Variants in QRSL1 observed in about 807,000 individuals in gnomAD.
The protein encoded by QRSL1 is glutaminyl-tRNA amidotransferase subunit QRSL1.
QRSL1 carries 54 observed loss-of-function variants against 61.6 expected under a neutral mutation model. The ratio of observed to expected loss-of-function variants is 0.88; its 90% CI spans 0.70 to 1.10. QRSL1 has a LOEUF of 1.10. Ranked by LOEUF, QRSL1 falls within the 50% of genes least tolerant of loss-of-function variation. QRSL1 has a pLI of 0.00. For missense variants in QRSL1, 505 were observed against 622.6 expected (o/e 0.81, Z 2.01); for synonymous variants, 228 against 225.7 (o/e 1.01, Z -0.09).
intron 1 of QRSL1, chr6:106,640,041 T>G (rs1776992559): frequency 4.6e-6 from 1 of 216,740 alleles, no homozygotes; most frequent in Admixed American, 5.3e-5. Flanking sequence ...TCACCCATGC[T>G]GGGCCTCAAC....
chr6:106,647,613 A>C (rs1250854446), intron 4 of QRSL1, among the ~76,000 whole-genome samples: 2 of 143,720 alleles, frequency 1.4e-5, no homozygotes, highest in Non-Finnish European at 3.0e-5. Context: ...CTGACTCTAG[A>C]TTTGATCCAG....
intron 9 of QRSL1, among the ~76,000 whole-genome samples, chr6:106,661,274 C>T (rs947038506): frequency 3.3e-5 from 5 of 151,926 alleles, no homozygotes; most frequent in Non-Finnish European, 5.9e-5. Flanking sequence ...CCACCATGCC[C>T]GGCTAAATTT....
At position 106,629,702 on chromosome 6, in the gene QRSL1, A is replaced by G. The variant is rs142692484; in HGVS notation, c.21A>G (p.Arg7=). 1 of 1,606,444 alleles carries G rather than the reference A, an allele frequency of 6.2e-7. No homozygotes were observed. Among genetic ancestry groups the G allele is most frequent in the Non-Finnish European group, 8.5e-7 (1 of 1,177,092 alleles). ...GGACCATGCTGGGCCGGAGCCTCCG[A>G]GAAGTGAGTGGAATTGGCCCGCTGA... The part of the protein sequence containing the change: MLGRSL[R]EVSAALKQGQ... The change falls in exon 1 of 11, where the codon CGA becomes CGG. Residue 7 remains arginine, a synonymous_variant. Coordinates refer to ENST00000369046, the MANE Select transcript of QRSL1 (RefSeq NM_018292.5).
rs67485757 is a variant in QRSL1, at chr6:106,661,120, GTTTTT to G, written c.1161-1855_1161-1851del. On this transcript the variant is annotated intron_variant, in intron 9 of 10. Coordinates refer to ENST00000369046, the MANE Select transcript of QRSL1 (RefSeq NM_018292.5). ...ACAAGTATTTGTTTTGTTTTGTTTT[GTTTTT>G]TTTTGAGACGGAGTCTTGCTCTGTC... 2.0e-3 allele frequency among the ~76,000 whole-genome samples: 300 copies of G among 151,232 alleles called. 1 individual carries two copies. The highest frequency in any genetic ancestry group is 6.6e-3 in the African/African-American group (271 of 41,208).
Position 106,655,630 on chromosome 6 carries a change from T to C in QRSL1, c.1058T>C (p.Ile353Thr), listed in dbSNP as rs754249822. The C allele has an allele frequency of 1.4e-5, 23 of 1,609,508 alleles. No homozygotes were observed. Among genetic ancestry groups the C allele is most frequent in the Middle Eastern group, 1.8e-4 (1 of 5,584 alleles). Reference sequence around the variant, plus strand: ...TTGTTTTCAGGTCACAGATGTGACATTGATGTGTCCACTGAAGCCATGTAT... The same window carrying C: ...TTGTTTTCAGGTCACAGATGTGACACTGATGTGTCCACTGAAGCCATGTAT... ...DGLQYGHRCD[I>T]DVSTEAMYAA... The change falls in exon 9 of 11, where the codon ATT becomes ACT. Residue 353 changes from isoleucine to threonine, a missense_variant. Coordinates refer to ENST00000369046, the MANE Select transcript of QRSL1 (RefSeq NM_018292.5).
intron 3 of QRSL1, chr6:106,642,355 C>T (rs9400037): frequency 0.46 from 163,273 of 354,722 alleles, 39,498 homozygotes; most frequent in Non-Finnish European, 0.53. Context: ...CCCGCCCCGC[C>T]GACTCTTGTT....
At chr6:106,640,298 T>C in intron 1 of QRSL1, 51 bp from the exon 2 acceptor site, 2 of 1,012,900 alleles carry the variant, frequency 2.0e-6, no homozygotes, top group Non-Finnish European at 2.9e-6. Flanking sequence ...AATATAACAA[T>C]TGAAACTTCT....
intron 10 of QRSL1, among the ~76,000 whole-genome samples, chr6:106,663,673 A>G (rs974284691): frequency 1.3e-5 from 2 of 152,222 alleles, no homozygotes; most frequent in Admixed American, 6.5e-5. Flanking sequence ...GTTGCCTTCC[A>G]CTAGGCCCCA....
intron 4 of QRSL1, among the ~76,000 whole-genome samples, chr6:106,647,648 A>ATTTTTT (rs1336556151): frequency 1.6e-5 from 1 of 64,310 alleles, no homozygotes; most frequent in Non-Finnish European, 2.9e-5. Context: ...GCCATAAAGT[A>ATTTTTT]CTTTTTTTTT....
intron 5 of QRSL1, 42 bp downstream of exon 5, chr6:106,649,243 A>G: frequency 6.4e-7 from 1 of 1,569,238 alleles, no homozygotes; most frequent in Non-Finnish European, 8.7e-7. Context: ...ACCCACCCAA[A>G]TACAAACAGT....
At chr6:106,646,648 T>TAA (rs144532152) in intron 4 of QRSL1, among the ~76,000 whole-genome samples, 1 of 150,798 alleles carries the variant, frequency 6.6e-6, no homozygotes, top group Non-Finnish European at 1.5e-5. Flanking sequence ...AAAAAAAAAT[T>TAA]AAAAAAAACA....
At chr6:106,651,159 T>C (rs999864423) in intron 5 of QRSL1, among the ~76,000 whole-genome samples, 7 of 152,172 alleles carry the variant, frequency 4.6e-5, no homozygotes, top group African/African-American at 1.4e-4. Flanking sequence ...CGTGGTGTCA[T>C]GTAGTATTTG....
intron 4 of QRSL1, among the ~76,000 whole-genome samples, chr6:106,645,315 C>T (rs1777090398): frequency 6.6e-6 from 1 of 152,162 alleles, no homozygotes; most frequent in African/African-American, 2.4e-5. Flanking sequence ...AAAGAATCGG[C>T]ATCATAATAC....
chr6:106,649,713 T>A (rs1156454169), intron 5 of QRSL1, among the ~76,000 whole-genome samples: 2 of 152,174 alleles, frequency 1.3e-5, no homozygotes, highest in African/African-American at 4.8e-5. Context: ...AAAATGTACA[T>A]CAGTAAGTAA....
At chr6:106,638,075 C>A (rs1371756650) in intron 1 of QRSL1, among the ~76,000 whole-genome samples, 1 of 152,158 alleles carries the variant, frequency 6.6e-6, no homozygotes, top group Non-Finnish European at 1.5e-5. Context: ...TGAGAGGAGT[C>A]AAGGAAGGAG....
chr6:106,649,820 G>A lies in QRSL1; in HGVS notation c.557+619G>A, dbSNP rs199970736. 2.6e-5 allele frequency among the ~76,000 whole-genome samples: 4 copies of A among 152,140 alleles called. No homozygotes were observed. The East Asian group carries it at 7.7e-4, about 29-fold the overall frequency. On this transcript the variant is annotated intron_variant, in intron 5 of 10. Coordinates refer to ENST00000369046, the MANE Select transcript of QRSL1 (RefSeq NM_018292.5). ...TCATATTTTCAGTTCCATTTGTAAA[G>A]CATTTCTTAACTACCCAAAGAAAAG...
chr6:106,640,317 A>G, intron 1 of QRSL1, 32 bp from the exon 2 acceptor site: 2 of 1,572,438 alleles, frequency 1.3e-6, no homozygotes, highest in Non-Finnish European at 1.7e-6. Flanking sequence ...CTGCAGACTC[A>G]GTAAAAGGTT....
intron 3 of QRSL1, chr6:106,642,406 A>G (rs1777036135): frequency 2.0e-6 from 1 of 508,534 alleles, no homozygotes; most frequent in African/African-American, 1.9e-5. Context: ...TGTTTCCTAT[A>G]AAAAGGTAAC....
chr6:106,632,562 A>G (rs1381146509), intron 1 of QRSL1, among the ~76,000 whole-genome samples: 5 of 152,030 alleles, frequency 3.3e-5, no homozygotes, highest in African/African-American at 1.2e-4. Context: ...ACTATTCTCC[A>G]TAGTGGCTGT....
Sources: gnomAD v4.1 joint callset for allele counts (sites outside exome capture counted in the v4.1 genomes callset) on GRCh38, gnomAD v4.1.1 for gene constraint, MANE v1.5 for transcripts, NCBI Gene and HGNC (gene_info 2026-07-23, HGNC 2026-07-21) for gene names.